Variants in LRRC7 observed in about 807,000 individuals in gnomAD.
LRRC7 encodes the protein leucine rich repeat containing 7, also known as leucine-rich repeat-containing protein 7.
Under a neutral mutation model 175.7 loss-of-function variants are expected in LRRC7, and 23 were observed. The observed-to-expected ratio is 0.13, with a 90% CI of 0.09 to 0.19. The LOEUF is 0.19. LRRC7 is among the 10% of genes least tolerant of loss of function. The pLI, the probability that LRRC7 is intolerant of heterozygous loss-of-function variation, is 1.00. For synonymous variants in LRRC7, 685 were observed against 680.9 expected, an observed-to-expected ratio of 1.01 and a Z score of -0.09; for missense variants, 1,354 against 1,904.7, an observed-to-expected ratio of 0.71 and a Z score of 5.38.
At chr1:70,030,528 CA>C (rs1414595309) in intron 18 of LRRC7, among the ~76,000 whole-genome samples, 5 of 152,096 alleles carry the variant, frequency 3.3e-5, no homozygotes, top group African/African-American at 1.2e-4. Flanking sequence ...TTTCAATGTC[CA>C]GATTTAATAA....
In LRRC7 at chr1:69,989,316, A is replaced by G. The variant is rs151072361; in HGVS notation, c.931+2930A>G. 2.4e-3 allele frequency among the ~76,000 whole-genome samples: 362 copies of G among 152,310 alleles called. 1 individual carries two copies. Among genetic ancestry groups the G allele is most frequent in the African/African-American group, 8.2e-3 (342 of 41,578 alleles). On this transcript the variant is annotated intron_variant, in intron 10 of 26. Transcript: ENST00000651989. ...CAGATATGTTAATTAGCTTGATTCA[A>G]TCATTCTAAAGTGATACCACTGCAT... is the stretch of plus-strand genomic sequence containing the variant.
chr1:69,907,791 G>A (rs1646371422), intron 7 of LRRC7, among the ~76,000 whole-genome samples: 1 of 152,080 alleles, frequency 6.6e-6, no homozygotes, highest in South Asian at 2.1e-4. Flanking sequence ...GAGTTAGGGA[G>A]GATTCCCTCT....
chr1:69,805,508 A>G (rs1677015660), intron 4 of LRRC7, among the ~76,000 whole-genome samples: 1 of 151,822 alleles, frequency 6.6e-6, no homozygotes, highest in Non-Finnish European at 1.5e-5. Context: ...TTTAGAGTAA[A>G]GCTCATTATT....
chr1:69,701,067 T>C (rs549372925), intron 2 of LRRC7, among the ~76,000 whole-genome samples: 57 of 152,228 alleles, frequency 3.7e-4, no homozygotes, highest in African/African-American at 1.3e-3. Context: ...TTGCATTAGG[T>C]TCAAGATATT....
intron 2 of LRRC7, among the ~76,000 whole-genome samples, chr1:69,735,954 A>T (rs1256534479): frequency 6.6e-6 from 1 of 152,046 alleles, no homozygotes; most frequent in Non-Finnish European, 1.5e-5. Flanking sequence ...ATGATTTTTT[A>T]AATTCAATAA....
At chr1:70,120,525 T>C (rs997899472) in intron 26 of LRRC7, among the ~76,000 whole-genome samples, 1 of 152,086 alleles carries the variant, frequency 6.6e-6, no homozygotes, top group African/African-American at 2.4e-5. Flanking sequence ...TTAAAGGCTG[T>C]ATGGCATTTC....
At chr1:69,721,796 G>C (rs1423419695) in intron 2 of LRRC7, among the ~76,000 whole-genome samples, 1 of 151,768 alleles carries the variant, frequency 6.6e-6, no homozygotes, top group Non-Finnish European at 1.5e-5. Flanking sequence ...CTTAGGTACA[G>C]ACTTGTTGAG....
intron 2 of LRRC7, among the ~76,000 whole-genome samples, chr1:69,680,704 C>T (rs1219385956): frequency 6.7e-6 from 1 of 148,462 alleles, no homozygotes; most frequent in East Asian, 2.0e-4. Context: ...GTAATGGAAG[C>T]AACATATCAT....
In LRRC7 at chr1:70,123,948, G is replaced by A. The variant is rs1403618704; in HGVS notation, c.*2061G>A. Among the ~76,000 whole-genome samples the A allele has an allele frequency of 6.6e-6, 1 of 152,066 alleles. No homozygotes were observed. Among genetic ancestry groups the A allele is most frequent in the African/African-American group, 2.4e-5 (1 of 41,410 alleles). On this transcript the variant is annotated 3_prime_UTR_variant, in exon 27 of 27. Transcript: ENST00000651989. The stretch of plus-strand genomic sequence containing the variant: ...TGGGAGAAGAGCCAGATATAGAACT[G>A]CCCCAAGTCTTTTTCTTATGGTTTC...
At chr1:69,732,386 G>A (rs923378881) in intron 2 of LRRC7, among the ~76,000 whole-genome samples, 1 of 151,970 alleles carries the variant, frequency 6.6e-6, no homozygotes, top group East Asian at 1.9e-4. Flanking sequence ...ACACTGTTAT[G>A]ACTAAAATAT....
At chr1:69,747,067 A>C (rs560870596) in intron 2 of LRRC7, among the ~76,000 whole-genome samples, 2 of 152,250 alleles carry the variant, frequency 1.3e-5, no homozygotes, top group South Asian at 4.1e-4. Flanking sequence ...TTAGAAGGAC[A>C]TCAATCACAT....
At chr1:69,600,800 C>CTTTTTTTTTTTTTTTTTTTTTTT (rs59212223) in intron 1 of LRRC7, among the ~76,000 whole-genome samples, 2 of 64,896 alleles carry the variant, frequency 3.1e-5, no homozygotes, top group African/African-American at 6.2e-5. Context: ...TCTCTGGTTT[C>CTTTTTTTTTTTTTTTTTTTTTTT]TTTTTTTTTT....
intron 25 of LRRC7, among the ~76,000 whole-genome samples, chr1:70,105,610 C>T (rs1005537900): frequency 6.6e-6 from 1 of 152,152 alleles, no homozygotes. Context: ...TTTAGGACTT[C>T]ACTTTTAATG....
chr1:69,648,499 G>A (rs1307359904), intron 1 of LRRC7, among the ~76,000 whole-genome samples: 1 of 152,134 alleles, frequency 6.6e-6, no homozygotes, highest in Non-Finnish European at 1.5e-5. Context: ...ATTAACCAGT[G>A]GGAGACACTG....
chr1:69,689,546 C>G (rs1354556863), intron 2 of LRRC7, among the ~76,000 whole-genome samples: 1 of 152,218 alleles, frequency 6.6e-6, no homozygotes, highest in Non-Finnish European at 1.5e-5. Context: ...ATATCAGAGA[C>G]ACCGAACTAA....
At chr1:69,818,227 A>G (rs796106038) in intron 4 of LRRC7, among the ~76,000 whole-genome samples, 15 of 152,214 alleles carry the variant, frequency 9.9e-5, no homozygotes, top group African/African-American at 3.4e-4. Flanking sequence ...TTCACTGTTG[A>G]GTATGATGTT....
At chr1:70,037,805 G>T (rs78676587) in intron 20 of LRRC7, among the ~76,000 whole-genome samples, 33,556 of 151,894 alleles carry the variant, frequency 0.22, 3,766 homozygotes, top group African/African-American at 0.24. Context: ...GGCCTGCAGA[G>T]AAAAAGATCT....
chr1:69,653,201 G>A (rs1656115603), intron 1 of LRRC7, among the ~76,000 whole-genome samples: 1 of 151,768 alleles, frequency 6.6e-6, no homozygotes, highest in Non-Finnish European at 1.5e-5. Context: ...TCTGATAAGG[G>A]GTTAATATTC....
chr1:70,009,644 G>A (rs560981601), intron 11 of LRRC7, among the ~76,000 whole-genome samples: 1 of 152,212 alleles, frequency 6.6e-6, no homozygotes, highest in African/African-American at 2.4e-5. Flanking sequence ...GGCATTATTA[G>A]TATCCTCATT....
Sources: gnomAD v4.1 joint callset for allele counts (sites outside exome capture counted in the v4.1 genomes callset) on GRCh38, gnomAD v4.1.1 for gene constraint, MANE v1.5 for transcripts, NCBI Gene and HGNC (gene_info 2026-07-23, HGNC 2026-07-21) for gene names.